GCSAML: variants seen among roughly 807,000 people sequenced by gnomAD.
The protein encoded by GCSAML is germinal center associated signaling and motility like, also known as germinal center-associated signaling and motility-like protein.
A neutral mutation model predicts 13.0 loss-of-function variants in GCSAML; 9 were observed. The observed-to-expected ratio is 0.69, with a 90% CI of 0.42 to 1.21. GCSAML has a LOEUF of 1.21. Ranked by LOEUF, GCSAML falls within the 50% of genes most tolerant of loss-of-function variation. The pLI is 0.00. For missense variants in GCSAML, 143 were observed against 153.4 expected, an observed-to-expected ratio of 0.93 and a Z score of 0.36; for synonymous variants, 37 against 52.9, an observed-to-expected ratio of 0.70 and a Z score of 1.31.
intron 4 of GCSAML, 62 bp downstream of exon 4, chr1:247,566,021 T>C (rs369694422): frequency 7.6e-5 from 90 of 1,180,364 alleles, no homozygotes; most frequent in Non-Finnish European, 1.7e-5. Context: ...GTTTGTCTGA[T>C]AAATGCCAAA....
rs757783418 is a variant in GCSAML at position 247,535,828 on chromosome 1, G to A, written c.-148+8774G>A. Among the ~76,000 whole-genome samples, 7 of 152,080 alleles carry A rather than the reference G, an allele frequency of 4.6e-5. No homozygotes were observed. The East Asian group carries it at 9.6e-4, about 21-fold the overall frequency. ...AGTAAAGGAAGAGGTTTGCTTACCCGCAGAGATTCACCAAAATTGTCACAA... is the reference window on the plus strand; with the variant it reads ...AGTAAAGGAAGAGGTTTGCTTACCCACAGAGATTCACCAAAATTGTCACAA... On this transcript the variant is annotated intron_variant, in intron 2 of 5. Transcript: ENST00000366489.
intron 2 of GCSAML, chr1:247,532,355 C>T (rs553883831): frequency 6.2e-7 from 1 of 1,614,126 alleles, no homozygotes; most frequent in South Asian, 1.1e-5. Flanking sequence ...AGGTGCACAT[C>T]TGTATGGGAG....
chr1:247,563,590 G>T lies in GCSAML; in HGVS notation c.90G>T (p.Arg30=). Reference sequence around the variant, plus strand: ...CATGTTACTATCTCTTTCCTTGTAGGCAGGAAATGACTACATTTGAAAGAA... The same window carrying T: ...CATGTTACTATCTCTTTCCTTGTAGTCAGGAAATGACTACATTTGAAAGAA... ...KKGNPDEERK[R]QEMTTFERKL... Residue 30 remains arginine (R), a splice_region_variant and synonymous_variant, in exon 3 of 5, where the codon CGG becomes CGT. Transcript: ENST00000366488. The T allele has an allele frequency of 6.4e-7, 1 of 1,568,094 alleles. No individual in the cohort carries two copies. Among genetic ancestry groups the T allele is most frequent in the Non-Finnish European group, 8.8e-7 (1 of 1,139,950 alleles).
intron 3 of GCSAML, among the ~76,000 whole-genome samples, chr1:247,565,313 G>A (rs1157931506): frequency 1.3e-5 from 2 of 151,628 alleles, no homozygotes; most frequent in African/African-American, 4.9e-5. Flanking sequence ...AGCCGAGATA[G>A]CACCATTGCA....
intron 2 of GCSAML, among the ~76,000 whole-genome samples, chr1:247,537,621 T>G (rs1667265625): frequency 6.6e-6 from 1 of 152,242 alleles, no homozygotes; most frequent in African/African-American, 2.4e-5. Flanking sequence ...TGTGTTCCAG[T>G]TTCTCCACAT....
At chr1:247,570,429 A>G (rs1176059) in intron 4 of GCSAML, among the ~76,000 whole-genome samples, 56,413 of 152,002 alleles carry the variant, frequency 0.37, 11,702 homozygotes, top group East Asian at 0.79. Context: ...TTGGTTTCAA[A>G]GAACATCTTT....
At chr1:247,532,488 A>G (rs774996618) in intron 2 of GCSAML, 26 of 1,613,770 alleles carry the variant, frequency 1.6e-5, no homozygotes, top group Non-Finnish European at 2.0e-5. Context: ...CTTCTGGAGA[A>G]CTCACATTGG....
intron 1 of GCSAML, among the ~76,000 whole-genome samples, chr1:247,521,925 A>G (rs202198309): frequency 2.3e-5 from 3 of 133,178 alleles, no homozygotes; most frequent in African/African-American, 8.8e-5. Context: ...CATCCCGTCT[A>G]GGAAGTGAGG....
At chr1:247,535,622 G>A (rs1469374328) in intron 2 of GCSAML, among the ~76,000 whole-genome samples, 2 of 152,156 alleles carry the variant, frequency 1.3e-5, no homozygotes, top group African/African-American at 4.8e-5. Flanking sequence ...ATGCTGAGAG[G>A]AACCACAAGG....
chr1:247,542,075 T>C (rs1252320377), intron 2 of GCSAML, among the ~76,000 whole-genome samples: 1 of 151,328 alleles, frequency 6.6e-6, no homozygotes, highest in East Asian at 1.9e-4. Flanking sequence ...CTAATAAATA[T>C]GCTTTTTGTG....
intron 1 of GCSAML, among the ~76,000 whole-genome samples, chr1:247,509,719 T>C (rs1268854345): frequency 1.3e-5 from 2 of 152,206 alleles, no homozygotes; most frequent in Non-Finnish European, 1.5e-5. Context: ...AAAGGGGTGT[T>C]GAATTTTATT....
At position 247,577,124 on chromosome 1, in the gene GCSAML, A is replaced by C. The variant is rs1468449221; in HGVS notation, c.*2742A>C. On this transcript the variant is annotated 3_prime_UTR_variant, in exon 5 of 5. Coordinates refer to ENST00000366488, the MANE Select transcript of GCSAML (RefSeq NM_145278.5). ...TTATGTGGTTATGAAGAACAATAGA[A>C]TCATTGCTGTATAAGTGCTTTTTAA... 1.3e-5 allele frequency: 2 copies of C among 152,232 alleles called. No individual in the cohort carries two copies. Among genetic ancestry groups the C allele is most frequent in the South Asian group, 4.1e-4 (2 of 4,834 alleles). The allele number at this position is 152,232 out of a possible 1,614,324, so 9.4% of individuals were successfully genotyped here.
At chr1:247,517,463 C>G (rs1377790431) in intron 1 of GCSAML, among the ~76,000 whole-genome samples, 2 of 152,140 alleles carry the variant, frequency 1.3e-5, no homozygotes, top group African/African-American at 2.4e-5. Flanking sequence ...TTAATTGAAG[C>G]TATTGTTCCA....
intron 1 of GCSAML, among the ~76,000 whole-genome samples, chr1:247,522,614 C>T (rs1467050892): frequency 6.6e-6 from 1 of 152,110 alleles, no homozygotes; most frequent in African/African-American, 2.4e-5. Flanking sequence ...TGACCTTAAC[C>T]CCAACCCCAT....
At chr1:247,538,506 A>G (rs529619294) in intron 2 of GCSAML, among the ~76,000 whole-genome samples, 153 of 152,316 alleles carry the variant, frequency 1.0e-3, no homozygotes, top group Admixed American at 1.6e-3. Context: ...ATAACCCACA[A>G]TGTGACTATA....
rs368316888 is a variant in GCSAML at position 247,511,910 on chromosome 1, C to T, written c.-263+4677C>T. ...CTGATGGGCTTCCCTTTGTTGGTAACCCGACCTTTCTCTCTGACTGCCCTT... is the reference window on the plus strand; with the variant it reads ...CTGATGGGCTTCCCTTTGTTGGTAATCCGACCTTTCTCTCTGACTGCCCTT... On this transcript the variant is annotated intron_variant, in intron 1 of 5. Transcript: ENST00000366489. Among the ~76,000 whole-genome samples, 15 of 152,288 alleles carry T rather than the reference C, an allele frequency of 9.8e-5. No individual in the cohort carries two copies. In the South Asian group the frequency reaches 3.1e-3, roughly 32 times the overall value.
chr1:247,529,605 T>C (rs1285215078), intron 2 of GCSAML: 1 of 152,176 alleles, frequency 6.6e-6, no homozygotes, highest in African/African-American at 2.4e-5. Context: ...GAATGTTGCT[T>C]CACTTCACTG....
chr1:247,557,548 A>G (rs1266158455), intron 2 of GCSAML, among the ~76,000 whole-genome samples: 1 of 151,992 alleles, frequency 6.6e-6, no homozygotes, highest in African/African-American at 2.4e-5. Flanking sequence ...CTTCTTTTCC[A>G]TGGTATGAAG....
At chr1:247,561,442 A>G (rs1409084149) in intron 2 of GCSAML, among the ~76,000 whole-genome samples, 1 of 152,168 alleles carries the variant, frequency 6.6e-6, no homozygotes, top group Non-Finnish European at 1.5e-5. Flanking sequence ...TATACAATAA[A>G]TTATTATTAA....
Sources: allele counts gnomAD v4.1 joint callset (sites outside exome capture counted in the v4.1 genomes callset), GRCh38; gene constraint gnomAD v4.1.1; transcripts MANE v1.5; gene names NCBI Gene and HGNC (gene_info 2026-07-23, HGNC 2026-07-21).